FAF1: variants seen among roughly 807,000 people sequenced by gnomAD.
FAF1 encodes Fas associated factor 1, also known as FAS-associated factor 1.
Under a neutral mutation model 92.5 loss-of-function variants are expected in FAF1, and 25 were observed. The observed-to-expected ratio is 0.27, with a 90% CI of 0.20 to 0.38. The LOEUF is 0.38. Among genes scored for constraint, FAF1 ranks in the 10% least tolerant of loss-of-function variants. FAF1 has a pLI of 1.00. For synonymous variants in FAF1, 234 were observed against 273.2 expected, an observed-to-expected ratio of 0.86 and a Z score of 1.42; for missense variants, 636 against 793.3, an observed-to-expected ratio of 0.80 and a Z score of 2.38.
chr1:50,516,356 A>G (rs1287168906), intron 15 of FAF1, among the ~76,000 whole-genome samples: 3 of 152,218 alleles, frequency 2.0e-5, no homozygotes, highest in Non-Finnish European at 4.4e-5. Context: ...TTTTGAACCA[A>G]TCTGGTCTCT....
chr1:50,467,530 G>A (rs1055503029), intron 18 of FAF1, among the ~76,000 whole-genome samples: 1 of 152,046 alleles, frequency 6.6e-6, no homozygotes, highest in African/African-American at 2.4e-5. Context: ...AGCCAGGACG[G>A]TCTCGATCTC....
intron 8 of FAF1, among the ~76,000 whole-genome samples, chr1:50,633,449 G>A (rs1653877362): frequency 6.6e-6 from 1 of 152,194 alleles, no homozygotes; most frequent in South Asian, 2.1e-4. Flanking sequence ...AAAATCCCAA[G>A]GGGAGCAGTC....
At chr1:50,442,985 G>T (rs557250759) in intron 18 of FAF1, among the ~76,000 whole-genome samples, 1 of 152,204 alleles carries the variant, frequency 6.6e-6, no homozygotes, top group East Asian at 1.9e-4. Context: ...CCAATGCACT[G>T]AGGGGCAAGC....
intron 4 of FAF1, among the ~76,000 whole-genome samples, chr1:50,785,318 AG>A (rs1661321941): frequency 6.6e-6 from 1 of 152,114 alleles, no homozygotes; most frequent in Non-Finnish European, 1.5e-5. Context: ...TGCACAGAAA[AG>A]TAAACAACAG....
At chr1:50,785,813 A>G (rs1661339953) in intron 4 of FAF1, among the ~76,000 whole-genome samples, 1 of 152,176 alleles carries the variant, frequency 6.6e-6, no homozygotes, top group Non-Finnish European at 1.5e-5. Context: ...CAGAATTGAA[A>G]ACAGGATTTC....
chr1:50,540,381 A>C (rs1648705480), intron 13 of FAF1, among the ~76,000 whole-genome samples: 2 of 152,328 alleles, frequency 1.3e-5, no homozygotes, highest in South Asian at 4.1e-4. Flanking sequence ...AGTGTTGTGC[A>C]AAGATAAATT....
rs181724592 is a variant in FAF1, at chr1:50,950,386, G to T, written c.45+9381C>A. On this transcript the variant is annotated intron_variant, in intron 1 of 18. Transcript: ENST00000396153. ...TAGAAAAGTACTGATTTCATGGGGG[G>T]AGCGGAGAAATAACTTTACCTTAAA... is the stretch of plus-strand genomic sequence containing the variant. 7.9e-5 allele frequency among the ~76,000 whole-genome samples: 12 copies of T among 152,282 alleles called. 1 individual carries two copies. The East Asian group carries it at 2.3e-3, about 29-fold the overall frequency.
rs887595890 is a variant in FAF1, at chr1:50,762,230, G to A, written c.368-17455C>T. Among the ~76,000 whole-genome samples the A allele has an allele frequency of 1.8e-4, 28 of 152,248 alleles. No homozygotes were observed. In the South Asian group the frequency reaches 4.6e-3, roughly 25 times the overall value. ...GAAGAACATTCCATGCTCATGGGTA[G>A]GAAGAATCAATATTGTGAAAATGGC... is the stretch of plus-strand genomic sequence containing the variant. On this transcript the variant is annotated intron_variant, in intron 4 of 18. Transcript: ENST00000396153.
intron 9 of FAF1, among the ~76,000 whole-genome samples, chr1:50,593,109 A>C (rs1399441413): frequency 6.6e-6 from 1 of 152,192 alleles, no homozygotes; most frequent in Non-Finnish European, 1.5e-5. Context: ...ACTGGTTATT[A>C]TAGGAGGGCA....
rs149598750 is a variant in FAF1 at position 50,537,998 on chromosome 1, G to C, written c.1405+1594C>G. 2.6e-3 allele frequency among the ~76,000 whole-genome samples: 397 copies of C among 151,956 alleles called. 1 individual carries two copies. Among genetic ancestry groups the C allele is most frequent in the African/African-American group, 9.3e-3 (385 of 41,438 alleles). On this transcript the variant is annotated intron_variant, in intron 14 of 18. Coordinates refer to ENST00000396153, the MANE Select transcript of FAF1 (RefSeq NM_007051.3). The stretch of plus-strand genomic sequence containing the variant: ...CATTAAAATCTATTGCCCTTTGAAA[G>C]GATCTTTTATCTATACATGATTTTA...
chr1:50,792,460 C>T (rs1262216778), intron 3 of FAF1, among the ~76,000 whole-genome samples: 1 of 152,170 alleles, frequency 6.6e-6, no homozygotes, highest in Non-Finnish European at 1.5e-5. Context: ...GGCTAGCCTC[C>T]ACTTCTGTGA....
At chr1:50,580,686 G>A (rs1650949635) in intron 12 of FAF1, among the ~76,000 whole-genome samples, 1 of 152,096 alleles carries the variant, frequency 6.6e-6, no homozygotes, top group South Asian at 2.1e-4. Flanking sequence ...CCATATATAT[G>A]GTCAACTAAA....
chr1:50,652,681 CAAT>C (rs1654920203), intron 8 of FAF1, among the ~76,000 whole-genome samples: 1 of 152,208 alleles, frequency 6.6e-6, no homozygotes, highest in Non-Finnish European at 1.5e-5. Context: ...CTAGATTCAA[CAAT>C]GATTGATAGA....
intron 6 of FAF1, among the ~76,000 whole-genome samples, chr1:50,733,042 T>C (rs1451129550): frequency 6.6e-6 from 1 of 152,214 alleles, no homozygotes; most frequent in Non-Finnish European, 1.5e-5. Context: ...ACCTCACCTC[T>C]ACCCCAACTC....
At chr1:50,677,763 C>T (rs778970827) in intron 7 of FAF1, among the ~76,000 whole-genome samples, 13 of 151,520 alleles carry the variant, frequency 8.6e-5, no homozygotes, top group South Asian at 2.1e-4. Context: ...GCATGGTGGG[C>T]GCATGCCTGT....
intron 7 of FAF1, among the ~76,000 whole-genome samples, chr1:50,687,343 C>T (rs1272966831): frequency 1.4e-5 from 2 of 140,476 alleles, no homozygotes; most frequent in African/African-American, 5.4e-5. Flanking sequence ...AATTCCAGAA[C>T]GTTTTATCAA....
At chr1:50,466,905 G>A (rs772419144) in intron 18 of FAF1, among the ~76,000 whole-genome samples, 2 of 152,168 alleles carry the variant, frequency 1.3e-5, no homozygotes, top group Non-Finnish European at 1.5e-5. Flanking sequence ...GCCCTAGCTG[G>A]TGGAGAATGT....
chr1:50,650,341 C>T (rs929045446), intron 8 of FAF1, among the ~76,000 whole-genome samples: 5 of 150,070 alleles, frequency 3.3e-5, no homozygotes, highest in African/African-American at 4.9e-5. Context: ...GGCACAGTGG[C>T]TTAGGCTTGT....
chr1:50,566,888 A>G (rs563067332), intron 13 of FAF1, among the ~76,000 whole-genome samples, 189 bp downstream of exon 13: 1 of 152,238 alleles, frequency 6.6e-6, no homozygotes, highest in Non-Finnish European at 1.5e-5. Context: ...AAAAGTTTTT[A>G]TAAGTTAAGG....
Sources: gnomAD v4.1 joint callset for allele counts (sites outside exome capture counted in the v4.1 genomes callset) on GRCh38, gnomAD v4.1.1 for gene constraint, MANE v1.5 for transcripts, NCBI Gene and HGNC (gene_info 2026-07-23, HGNC 2026-07-21) for gene names.